CCT7: variants seen among roughly 807,000 people sequenced by gnomAD.
CCT7 encodes chaperonin containing TCP1 subunit 7, also known as T-complex protein 1 subunit eta.
A neutral mutation model predicts 56.6 loss-of-function variants in CCT7; 16 were observed. The ratio of observed to expected loss-of-function variants is 0.28; its 90% confidence interval spans 0.19 to 0.43. The LOEUF is 0.43. Among genes scored for constraint, CCT7 ranks in the 20% least tolerant of loss-of-function variants. The pLI, the probability that CCT7 is intolerant of heterozygous loss-of-function variation, is 1.00. For synonymous variants in CCT7, 262 were observed against 254.8 expected (o/e 1.03, Z -0.27); for missense variants, 519 against 685.6 (o/e 0.76, Z 2.71).
intron 11 of CCT7, 93 bp downstream of exon 11, chr2:73,251,525 C>T (rs1186635935): frequency 1.8e-6 from 2 of 1,133,898 alleles, no homozygotes; most frequent in East Asian, 5.0e-5. Flanking sequence ...GCACGCCTGG[C>T]CCAGGAGATA....
intron 10 of CCT7, 28 bp downstream of exon 10, chr2:73,250,466 A>G (rs763569993): frequency 6.2e-7 from 1 of 1,612,452 alleles, no homozygotes. Context: ...TCCTGCTTGC[A>G]CAGCCTACTC....
intron 11 of CCT7, 137 bp from the exon 12 acceptor site, chr2:73,252,503 A>T: frequency 1.5e-6 from 1 of 670,584 alleles, no homozygotes. Flanking sequence ...TCATAGGAAG[A>T]TGCAGTATTC....
intron 1 of CCT7, among the ~76,000 whole-genome samples, chr2:73,236,422 A>G (rs1424980523): frequency 6.6e-6 from 1 of 151,658 alleles, no homozygotes. Flanking sequence ...GCTCACTGCA[A>G]CCTCCATTCC....
intron 6 of CCT7, 49 bp from the exon 7 acceptor site, chr2:73,247,713 T>G: frequency 6.4e-7 from 1 of 1,563,260 alleles, no homozygotes. Context: ...AGCTTGATTT[T>G]ATTTCATGTT....
At chr2:73,244,771 C>T in intron 6 of CCT7, 56 bp downstream of exon 6, 1 of 1,416,588 alleles carries the variant, frequency 7.1e-7, no homozygotes, top group Non-Finnish European at 9.7e-7. Flanking sequence ...ACCCTTCAGA[C>T]AGCTTCATAT....
chr2:73,244,863 C>T (rs1322437950), intron 6 of CCT7, 148 bp downstream of exon 6: 4 of 542,572 alleles, frequency 7.4e-6, no homozygotes, highest in Non-Finnish European at 1.2e-5. Context: ...TCCATACTGC[C>T]ATTAGAGGCT....
intron 7 of CCT7, among the ~76,000 whole-genome samples, 165 bp from the exon 8 acceptor site, chr2:73,248,826 G>A (rs1383990946): frequency 6.6e-6 from 1 of 152,116 alleles, no homozygotes; most frequent in Non-Finnish European, 1.5e-5. Flanking sequence ...CATCTCATGG[G>A]GTCCTTATTT....
intron 3 of CCT7, among the ~76,000 whole-genome samples, chr2:73,242,758 C>T (rs1387365077): frequency 1.3e-5 from 2 of 152,244 alleles, no homozygotes; most frequent in African/African-American, 2.4e-5. Flanking sequence ...TTGTCCACAT[C>T]AGCCCTCTTT....
rs747868555 is a variant in CCT7 at position 73,240,546 on chromosome 2, AGG to A, written c.267+4_267+5del. 393 of 1,571,544 alleles carry A rather than the reference AGG, an allele frequency of 2.5e-4. No homozygotes were observed. Among genetic ancestry groups the A allele is most frequent in the Non-Finnish European group, 3.2e-4 (368 of 1,154,848 alleles). On this transcript the variant is annotated splice_donor_5th_base_variant and intron_variant, in intron 3 of 11. Coordinates refer to ENST00000258091, the MANE Select transcript of CCT7 (RefSeq NM_006429.4). ...TTGCCAAATCCCAAGATGCTGAGGT[AGG>A]AAAATAGTTGTGTGTTTAAATGGAG...
At chr2:73,235,612 GAGTA>G (rs1686845302) in intron 1 of CCT7, 1 of 974,276 alleles carries the variant, frequency 1.0e-6, no homozygotes, top group Non-Finnish European at 1.2e-6. Flanking sequence ...CAGCAGTTGA[GAGTA>G]AGGCCTCTGG....
In CCT7 at chr2:73,252,791, A is replaced by G; in HGVS notation, c.1562A>G (p.Lys521Arg). The change falls in exon 12 of 12, where the codon AAG (lysine) becomes AGG (arginine). Residue 521 changes from lysine to arginine, a missense_variant. Physicochemically the swap from Lys to Arg is conservative, Grantham distance 26. Coordinates refer to ENST00000258091, the MANE Select transcript of CCT7 (RefSeq NM_006429.4). ...CLIVSVDETIKNPRSTVDAPT... is the reference protein window; with the variant it reads ...CLIVSVDETIRNPRSTVDAPT... ...ATCGTGTCTGTAGATGAAACCATCA[A>G]GAACCCCCGCTCGACTGTGGATGCT... 6.2e-7 allele frequency: 1 copy of G among 1,614,184 alleles called. No homozygotes were observed. Among genetic ancestry groups the G allele is most frequent in the African/African-American group, 1.3e-5 (1 of 75,036 alleles).
intron 5 of CCT7, 184 bp downstream of exon 5, chr2:73,244,233 A>G (rs1363667055): frequency 4.6e-6 from 3 of 655,884 alleles, no homozygotes; most frequent in African/African-American, 3.7e-5. Context: ...CCTGTGGCCA[A>G]ATTGGATGCA....
intron 2 of CCT7, chr2:73,240,203 G>T: frequency 2.6e-6 from 1 of 378,822 alleles, no homozygotes. Context: ...CAGTTGACCT[G>T]TATTAATTGC....
intron 6 of CCT7, 89 bp downstream of exon 6, chr2:73,244,804 G>A: frequency 1.1e-6 from 1 of 938,370 alleles, no homozygotes; most frequent in Non-Finnish European, 1.5e-6. Context: ...CTCATTACAG[G>A]AATAAAGAGA....
chr2:73,246,332 G>A (rs549395322), intron 6 of CCT7, among the ~76,000 whole-genome samples: 46 of 152,274 alleles, frequency 3.0e-4, no homozygotes, highest in Non-Finnish European at 5.4e-4. Context: ...TGTCACCACC[G>A]TTTATTCAGT....
In CCT7 at chr2:73,251,735, C is replaced by T. The variant is rs565337675; in HGVS notation, c.1410+303C>T. Among the ~76,000 whole-genome samples, 10 of 152,116 alleles carry T rather than the reference C, an allele frequency of 6.6e-5. No homozygotes were observed. In the East Asian group the frequency reaches 9.7e-4, roughly 15 times the overall value. On this transcript the variant is annotated intron_variant, in intron 11 of 11. Coordinates refer to ENST00000258091, the MANE Select transcript of CCT7 (RefSeq NM_006429.4). ...TGGGCGGATCATGAGGTCAGGAGTT[C>T]GAGACCAGCCTGGCCAACATAGTGA... is the stretch of plus-strand genomic sequence containing the variant.
chr2:73,246,669 A>C (rs1267798176), intron 6 of CCT7, among the ~76,000 whole-genome samples: 2 of 149,666 alleles, frequency 1.3e-5, no homozygotes, highest in Admixed American at 6.6e-5. Flanking sequence ...TCTCTTCTTC[A>C]CTGGCTGGTT....
chr2:73,250,437 A>C lies in CCT7; in HGVS notation c.1202A>C (p.Lys401Thr). The C allele has an allele frequency of 6.2e-7, 1 of 1,613,896 alleles. No homozygotes were observed. The highest frequency in any genetic ancestry group is 8.5e-7 in the Non-Finnish European group (1 of 1,180,014). The change falls in exon 10 of 12, where the codon AAG becomes ACG. Residue 401 changes from lysine to threonine, a missense_variant and splice_region_variant. Around this residue, in one of 3 missense-constraint regions of CCT7, gnomAD observed 237 missense variants for 300.8 expected, o/e 0.79. Transcript: ENST00000258091. ...DAIMIVRRAI[K>T]NDSVVAGGGA... ...ATCATGATCGTCAGGAGGGCCATCAAGGTACTGGGCTGATATCCTCCTGCT... is the reference window on the plus strand; with the variant it reads ...ATCATGATCGTCAGGAGGGCCATCACGGTACTGGGCTGATATCCTCCTGCT...
chr2:73,242,346 C>A (rs1687153872), intron 3 of CCT7, among the ~76,000 whole-genome samples: 1 of 152,210 alleles, frequency 6.6e-6, no homozygotes, highest in Admixed American at 6.5e-5. Flanking sequence ...GTGGTGCGAT[C>A]TTGGCTCACT....
Sources: gnomAD v4.1 joint callset for allele counts (sites outside exome capture counted in the v4.1 genomes callset) on GRCh38, gnomAD v4.1.1 for gene constraint, gnomAD v4.1.1 regional missense constraint, MANE v1.5 for transcripts, NCBI Gene and HGNC (gene_info 2026-07-23, HGNC 2026-07-21) for gene names.